Variants in PPM1L observed in about 807,000 individuals in gnomAD.
PPM1L encodes the protein protein phosphatase, Mg2+/Mn2+ dependent 1L, also known as protein phosphatase 1L.
PPM1L carries 13 observed loss-of-function variants against 31.4 expected under a neutral mutation model. That is an observed-to-expected ratio of 0.41 (90% CI 0.27 to 0.66). PPM1L has a LOEUF of 0.66. Ranked by LOEUF, PPM1L falls within the 30% of genes least tolerant of loss-of-function variation. The pLI, the probability that PPM1L is intolerant of heterozygous loss-of-function variation, is 0.29. For synonymous variants in PPM1L, 184 were observed against 175.4 expected (o/e 1.05, Z -0.39); for missense variants, 326 against 453.7 (o/e 0.72, Z 2.56).
chr3:161,065,386 TCTC>T lies in PPM1L; in HGVS notation c.575-16_575-14del. 1 of 1,612,364 alleles carries T rather than the reference TCTC, an allele frequency of 6.2e-7. No homozygotes were observed. Among genetic ancestry groups the T allele is most frequent in the South Asian group, 1.1e-5 (1 of 91,008 alleles). ...CACTGCTGACCTCCCGCGTTCTCTCTCTCTTCTATTTTTCAGGCACAACGTGTT... is the reference window on the plus strand; with the variant it reads ...CACTGCTGACCTCCCGCGTTCTCTCTTTCTATTTTTCAGGCACAACGTGTT... On this transcript the variant is annotated splice_polypyrimidine_tract_variant and intron_variant, in intron 2 of 3. Transcript: ENST00000498165.
chr3:160,875,872 C>T (rs2108033331), intron 1 of PPM1L, among the ~76,000 whole-genome samples: 1 of 152,306 alleles, frequency 6.6e-6, no homozygotes, highest in Middle Eastern at 3.4e-3. Flanking sequence ...TTATCTCCTA[C>T]CTTCCTCTGA....
At chr3:160,942,706 C>T (rs1037509344) in intron 1 of PPM1L, among the ~76,000 whole-genome samples, 4 of 152,146 alleles carry the variant, frequency 2.6e-5, no homozygotes, top group African/African-American at 9.7e-5. Flanking sequence ...AACCATGTAA[C>T]TTTTCATAAG....
chr3:160,819,586 T>C (rs1184573578), intron 1 of PPM1L, among the ~76,000 whole-genome samples: 3 of 152,002 alleles, frequency 2.0e-5, no homozygotes, highest in Non-Finnish European at 4.4e-5. Context: ...GTTTTCTAAG[T>C]GGTGTTATAG....
At chr3:160,973,846 G>A (rs1052872389) in intron 2 of PPM1L, among the ~76,000 whole-genome samples, 5 of 127,436 alleles carry the variant, frequency 3.9e-5, no homozygotes, top group African/African-American at 1.5e-4. Context: ...ATTCTATCTA[G>A]TTTTTCTTTT....
intron 1 of PPM1L, among the ~76,000 whole-genome samples, chr3:160,930,916 A>C (rs1023712469): frequency 1.3e-5 from 2 of 152,106 alleles, no homozygotes; most frequent in Non-Finnish European, 2.9e-5. Flanking sequence ...TTGAATTTCT[A>C]AGCAAGCATA....
chr3:161,065,222 T>A (rs1434485962), intron 2 of PPM1L, among the ~76,000 whole-genome samples, 181 bp from the exon 3 acceptor site: 4 of 152,134 alleles, frequency 2.6e-5, no homozygotes, highest in Non-Finnish European at 5.9e-5. Context: ...GTTAAGAAAA[T>A]TGACTGTCAG....
At chr3:160,808,431 A>G (rs1192224661) in intron 1 of PPM1L, among the ~76,000 whole-genome samples, 6 of 130,288 alleles carry the variant, frequency 4.6e-5, no homozygotes, top group African/African-American at 1.6e-4. Flanking sequence ...GTGGTGGGTG[A>G]GGGAAGCTGG....
chr3:161,018,927 G>T (rs908510501), intron 2 of PPM1L, among the ~76,000 whole-genome samples: 1 of 152,150 alleles, frequency 6.6e-6, no homozygotes, highest in Non-Finnish European at 1.5e-5. Flanking sequence ...TAAAGGCTTT[G>T]TAAGACTGAT....
intron 2 of PPM1L, among the ~76,000 whole-genome samples, chr3:160,981,964 C>G (rs1325658294): frequency 1.3e-5 from 2 of 152,026 alleles, no homozygotes; most frequent in Non-Finnish European, 2.9e-5. Flanking sequence ...CGGGGTTTCA[C>G]CACGTTGGCC....
At chr3:161,049,822 T>A (rs1183920844) in intron 2 of PPM1L, among the ~76,000 whole-genome samples, 1 of 152,182 alleles carries the variant, frequency 6.6e-6, no homozygotes, top group African/African-American at 2.4e-5. Flanking sequence ...AGCCCTGCCC[T>A]CCATCAGCCT....
At chr3:161,011,990 C>T (rs1717910012) in intron 2 of PPM1L, among the ~76,000 whole-genome samples, 1 of 152,134 alleles carries the variant, frequency 6.6e-6, no homozygotes, top group Non-Finnish European at 1.5e-5. Flanking sequence ...TCCTCTTTTC[C>T]TAATTGATTA....
At chr3:161,010,314 C>A (rs1021790642) in intron 2 of PPM1L, among the ~76,000 whole-genome samples, 2 of 152,114 alleles carry the variant, frequency 1.3e-5, no homozygotes, top group Non-Finnish European at 2.9e-5. Flanking sequence ...CATTCATGTC[C>A]CTACAAAGGA....
chr3:160,942,054 T>C (rs1284971735), intron 1 of PPM1L, among the ~76,000 whole-genome samples: 3 of 152,216 alleles, frequency 2.0e-5, no homozygotes, highest in African/African-American at 4.8e-5. Flanking sequence ...TCGAGTGTCA[T>C]AGATGTTAAA....
chr3:160,979,365 C>A (rs1467345366), intron 2 of PPM1L, among the ~76,000 whole-genome samples: 1 of 152,044 alleles, frequency 6.6e-6, no homozygotes, highest in East Asian at 1.9e-4. Flanking sequence ...TGCACTCACA[C>A]ACACCCACTC....
At chr3:160,782,166 TG>T (rs1161506545) in intron 1 of PPM1L, among the ~76,000 whole-genome samples, 2 of 151,320 alleles carry the variant, frequency 1.3e-5, no homozygotes, top group East Asian at 3.9e-4. Context: ...CTATTCTGTT[TG>T]TTTTTTTTTT....
chr3:160,827,723 T>C (rs985965579), intron 1 of PPM1L, among the ~76,000 whole-genome samples: 3 of 152,116 alleles, frequency 2.0e-5, no homozygotes, highest in Non-Finnish European at 2.9e-5. Flanking sequence ...AACAGATTCA[T>C]GTGTGTAGAA....
At position 160,890,844 on chromosome 3, in the gene PPM1L, C is replaced by T. The variant is rs181924043; in HGVS notation, c.400-70892C>T. Among the ~76,000 whole-genome samples, 598 of 152,080 alleles carry T rather than the reference C, an allele frequency of 3.9e-3. 5 individuals are homozygous for T. The highest frequency in any genetic ancestry group is 0.013 in the African/African-American group (559 of 41,494). ...CACACATCTACAACCATCTGAGCTT[C>T]GACAAACCTGACAAAAATAAGCAAT... On this transcript the variant is annotated intron_variant, in intron 1 of 3. Transcript: ENST00000498165.
chr3:160,912,442 C>T (rs1173509788), intron 1 of PPM1L, among the ~76,000 whole-genome samples: 1 of 152,198 alleles, frequency 6.6e-6, no homozygotes, highest in Admixed American at 6.5e-5. Context: ...AGAGCCTCTA[C>T]CAGGGTGTGT....
intron 1 of PPM1L, among the ~76,000 whole-genome samples, chr3:160,835,022 C>G (rs1163598035): frequency 1.3e-5 from 2 of 148,222 alleles, no homozygotes; most frequent in African/African-American, 5.0e-5. Context: ...ACTACTACTA[C>G]TACTATTACT....
Sources: gnomAD v4.1 joint callset for allele counts (sites outside exome capture counted in the v4.1 genomes callset) on GRCh38, gnomAD v4.1.1 for gene constraint, MANE v1.5 for transcripts, NCBI Gene and HGNC (gene_info 2026-07-23, HGNC 2026-07-21) for gene names.